Variants in CREBBP observed in about 807,000 individuals in gnomAD.
The protein encoded by CREBBP is CREB binding lysine acetyltransferase.
A neutral mutation model predicts 265.0 loss-of-function variants in CREBBP; 19 were observed. The ratio of observed to expected loss-of-function variants is 0.07; its 90% CI spans 0.05 to 0.11. CREBBP has a LOEUF of 0.11. Among genes scored for constraint, CREBBP ranks in the 10% least tolerant of loss-of-function variants. The probability of loss-of-function intolerance (pLI) is 1.00; values close to 1 mark genes in which losing one functional copy is unlikely to be tolerated. For missense variants in CREBBP, 2,525 were observed against 3,219.0 expected (o/e 0.78, Z 5.22); for synonymous variants, 1,457 against 1,223.7 (o/e 1.19, Z -3.98).
intron 2 of CREBBP, among the ~76,000 whole-genome samples, chr16:3,831,833 C>G (rs1318034472): frequency 1.3e-5 from 2 of 151,922 alleles, no homozygotes; most frequent in Non-Finnish European, 2.9e-5. Context: ...CCCTCCTCTA[C>G]TAAAAATACG....
Position 3,780,826 on chromosome 16 carries a change from T to G in CREBBP, c.1729A>C (p.Ile577Leu). ...CTAGAAGGAGGAGCTGCTGTTGGTA[T>G]AGTGCTGAGGGTTCCAATGTTACCA... is the stretch of plus-strand genomic sequence containing the variant. ...NSGNIGTLST[I>L]PTAAPPSSTG... is the part of the protein sequence containing the mutation. The change falls in exon 8 of 31, where the codon ATA becomes CTA. Residue 577 changes from isoleucine to leucine, a missense_variant. Around this residue, in one of 19 missense-constraint regions of CREBBP, gnomAD observed 144 missense variants for 134.0 expected, o/e 1.07. Coordinates refer to ENST00000262367, the MANE Select transcript of CREBBP (RefSeq NM_004380.3). The G allele has an allele frequency of 6.2e-7, 1 of 1,613,902 alleles. No individual in the cohort carries two copies. Among genetic ancestry groups the G allele is most frequent in the Non-Finnish European group, 8.5e-7 (1 of 1,180,024 alleles).
chr16:3,858,859 G>T (rs1352871534), intron 1 of CREBBP, among the ~76,000 whole-genome samples: 2 of 152,166 alleles, frequency 1.3e-5, no homozygotes, highest in African/African-American at 4.8e-5. Context: ...CCCAACCCTA[G>T]AATTGATACA....
At chr16:3,773,512 A>G (rs1292590534) in intron 13 of CREBBP, 7 of 545,398 alleles carry the variant, frequency 1.3e-5, no homozygotes, top group Non-Finnish European at 2.3e-5. Context: ...CATACAAACC[A>G]AAAATTCTAA....
rs564371548 is a variant in CREBBP, at chr16:3,739,850, C to T, written c.4134-126G>A. 217 of 1,373,020 alleles carry T rather than the reference C, an allele frequency of 1.6e-4. 2 individuals carry two copies. Among genetic ancestry groups the T allele is most frequent in the South Asian group, 1.5e-3 (126 of 83,388 alleles). The allele number at this position is 1,373,020 out of a possible 1,614,324, so 85.1% of individuals were successfully genotyped here. A position where few individuals can be genotyped will look rare whatever the true frequency, so the allele number is the denominator to read the frequency against. On this transcript the variant is annotated intron_variant, in intron 24 of 30. Coordinates refer to ENST00000262367, the MANE Select transcript of CREBBP (RefSeq NM_004380.3). ...CGGAGGCATGGCCACCTCCTCAGAC[C>T]GTGGCCTGGAGTCCTCCCTATGGGC...
At chr16:3,874,417 C>A (rs531521544) in intron 1 of CREBBP, among the ~76,000 whole-genome samples, 2 of 152,334 alleles carry the variant, frequency 1.3e-5, no homozygotes, top group East Asian at 1.9e-4. Context: ...TGAAGTCCCA[C>A]GTTATATCAG....
intron 1 of CREBBP, among the ~76,000 whole-genome samples, chr16:3,876,127 C>T (rs1384385907): frequency 6.6e-6 from 1 of 152,022 alleles, no homozygotes; most frequent in African/African-American, 2.4e-5. Context: ...CAGCCTCGAC[C>T]TCCTGGGCTC....
intron 8 of CREBBP, 138 bp downstream of exon 8, chr16:3,780,594 G>T: frequency 1.1e-6 from 1 of 890,320 alleles, no homozygotes; most frequent in Non-Finnish European, 1.8e-6. Context: ...AGGGCTGCCA[G>T]AACTCTACCA....
At chr16:3,812,671 T>A (rs1303129577) in intron 2 of CREBBP, among the ~76,000 whole-genome samples, 1 of 152,004 alleles carries the variant, frequency 6.6e-6, no homozygotes, top group Non-Finnish European at 1.5e-5. Context: ...CCTCCACAGG[T>A]CAATTCAGGA....
intron 2 of CREBBP, among the ~76,000 whole-genome samples, chr16:3,843,872 G>C (rs1489445783): frequency 6.6e-6 from 1 of 151,934 alleles, no homozygotes; most frequent in African/African-American, 2.4e-5. Context: ...CTTTCGGCCG[G>C]GCGCGGTGGC....
chr16:3,749,962 G>A (rs532950629), intron 20 of CREBBP, among the ~76,000 whole-genome samples: 15 of 152,166 alleles, frequency 9.9e-5, no homozygotes, highest in Admixed American at 1.3e-4. Context: ...GTGCAGTGGC[G>A]TGACCATGGC....
intron 2 of CREBBP, among the ~76,000 whole-genome samples, chr16:3,825,083 A>G (rs2141392584): frequency 6.6e-6 from 1 of 152,316 alleles, no homozygotes; most frequent in South Asian, 2.1e-4. Flanking sequence ...CTATAAAATG[A>G]ACAGACTTTC....
intron 2 of CREBBP, among the ~76,000 whole-genome samples, chr16:3,837,589 C>A (rs941562525): frequency 1.3e-5 from 2 of 150,858 alleles, no homozygotes; most frequent in African/African-American, 2.4e-5. Flanking sequence ...GCACTCCAGC[C>A]TGGGATACAC....
At chr16:3,837,021 T>G (rs1485042277) in intron 2 of CREBBP, among the ~76,000 whole-genome samples, 1 of 152,254 alleles carries the variant, frequency 6.6e-6, no homozygotes, top group Non-Finnish European at 1.5e-5. Context: ...ACTATGTTAC[T>G]GGTTTATGTA....
At chr16:3,855,337 G>T (rs1027334862) in intron 1 of CREBBP, among the ~76,000 whole-genome samples, 1 of 152,182 alleles carries the variant, frequency 6.6e-6, no homozygotes, top group Non-Finnish European at 1.5e-5. Context: ...GCACGATCCA[G>T]GCTCACTGCA....
At chr16:3,806,706 A>G (rs896303549) in intron 3 of CREBBP, among the ~76,000 whole-genome samples, 2 of 152,054 alleles carry the variant, frequency 1.3e-5, no homozygotes, top group Non-Finnish European at 2.9e-5. Context: ...TCACTCAGCT[A>G]AAGTGGCTTC....
intron 2 of CREBBP, among the ~76,000 whole-genome samples, chr16:3,827,773 C>T (rs1446865789): frequency 6.6e-6 from 1 of 152,024 alleles, no homozygotes; most frequent in Non-Finnish European, 1.5e-5. Flanking sequence ...TGACTACAGC[C>T]CCGGCCTCCT....
chr16:3,747,008 A>G (rs1355257981), intron 21 of CREBBP, among the ~76,000 whole-genome samples: 1 of 151,994 alleles, frequency 6.6e-6, no homozygotes, highest in Non-Finnish European at 1.5e-5. Flanking sequence ...CATGACATCC[A>G]TTTTGAATTT....
intron 13 of CREBBP, among the ~76,000 whole-genome samples, chr16:3,772,639 T>A (rs942929751): frequency 2.4e-4 from 37 of 152,070 alleles, no homozygotes; most frequent in Non-Finnish European, 1.5e-4. Context: ...CTGAAAATAT[T>A]TAGTATCTGG....
chr16:3,777,664 T>C lies in CREBBP; in HGVS notation c.2114-7A>G. ...GGCAGGGACAGGGGTCCATCTATGG[T>C]GGCAAAACAAAAACAAAAACAAAAC... On this transcript the variant is annotated splice_region_variant and splice_polypyrimidine_tract_variant and intron_variant, in intron 10 of 30. Transcript: ENST00000262367. 6.2e-7 allele frequency: 1 copy of C among 1,614,012 alleles called. No individual in the cohort carries two copies. The highest frequency in any genetic ancestry group is 8.5e-7 in the Non-Finnish European group (1 of 1,180,002).
Sources: gnomAD v4.1 joint callset for allele counts (sites outside exome capture counted in the v4.1 genomes callset) on GRCh38, gnomAD v4.1.1 for gene constraint, gnomAD v4.1.1 regional missense constraint, MANE v1.5 for transcripts, NCBI Gene and HGNC (gene_info 2026-07-23, HGNC 2026-07-21) for gene names.